POLR1C: variants seen among roughly 807,000 people sequenced by gnomAD.
POLR1C encodes the protein DNA-directed RNA polymerases I and III subunit RPAC1.
In POLR1C, 42 loss-of-function variants were observed where a neutral mutation model predicts 38.3. The observed-to-expected ratio is 1.10, with a 90% CI of 0.86 to 1.42. The LOEUF (loss-of-function observed/expected upper bound fraction) is 1.42, where lower values mean the gene tolerates loss of function less well. POLR1C is among the 40% of genes most tolerant of loss of function. POLR1C has a pLI of 0.00. For synonymous variants in POLR1C, 163 were observed against 163.9 expected (o/e 0.99, Z 0.04); for missense variants, 507 against 450.5 (o/e 1.13, Z -1.14).
At chr6:43,547,535 G>A in intron 9 of POLR1C, 1 of 1,423,702 alleles carries the variant, frequency 7.0e-7, no homozygotes, top group East Asian at 2.3e-5. Context: ...AAATCTATGA[G>A]AAACTTGACA....
chr6:43,520,616 C>T lies in POLR1C; in HGVS notation c.656-9C>T, dbSNP rs113383614. ...GTTTCCTATAGGCACGTTCCCTCTT[C>T]CTCTCCAGGCAAAGATCATGCCAAG... On this transcript the variant is annotated splice_polypyrimidine_tract_variant and intron_variant, in intron 6 of 8. Transcript: ENST00000642195. 10,854 of 1,614,078 alleles carry T rather than the reference C, an allele frequency of 6.7e-3. 516 individuals are homozygous for T. The African/African-American group carries it at 0.11, about 17-fold the overall frequency.
intron 8 of POLR1C, chr6:43,528,028 C>T (rs1395859791): frequency 3.1e-6 from 3 of 959,332 alleles, no homozygotes; most frequent in African/African-American, 3.3e-5. Flanking sequence ...CCATGTATCA[C>T]CTAGGCTGAG....
Position 43,517,148 on chromosome 6 carries a change from C to T in POLR1C, c.39C>T (p.Arg13=), listed in dbSNP as rs759764469. 9 of 1,614,032 alleles carry T rather than the reference C, an allele frequency of 5.6e-6. No individual in the cohort carries two copies. The highest frequency in any genetic ancestry group is 1.6e-4 in the Middle Eastern group (1 of 6,062). ...ASQAVEEMRS[R]VVLGEFGVRN... The stretch of plus-strand genomic sequence containing the variant: ...AGGCGGTGGAGGAAATGCGGAGCCG[C>T]GTGGTTCTGGGGGAGTTTGGGGTTC... Residue 13 remains arginine (R), a synonymous_variant, in exon 1 of 9, where the codon CGC becomes CGT. Coordinates refer to ENST00000642195, the MANE Select transcript of POLR1C (RefSeq NM_203290.4).
intron 9 of POLR1C, chr6:43,538,899 A>C (rs973614458): frequency 8.0e-7 from 1 of 1,246,164 alleles, no homozygotes. Context: ...TGGTCAGTGA[A>C]TTCCTGATAG....
rs772728540 is a variant in POLR1C, at chr6:43,517,141, G to A, written c.32G>A (p.Arg11Gln). The A allele has an allele frequency of 8.7e-6, 14 of 1,614,054 alleles. No individual in the cohort carries two copies. The South Asian group carries it at 1.5e-4, about 18-fold the overall frequency. Residue 11 changes from arginine to glutamine, a missense_variant, in exon 1 of 9, where the codon CGG becomes CAG. Arg to Gln is a conservative substitution (Grantham distance 43). Transcript: ENST00000642195. MAASQAVEEM[R>Q]SRVVLGEFGV... ...GCTTCTCAGGCGGTGGAGGAAATGC[G>A]GAGCCGCGTGGTTCTGGGGGAGTTT... is the stretch of plus-strand genomic sequence containing the variant.
chr6:43,538,964 G>C, intron 9 of POLR1C: 1 of 1,387,300 alleles, frequency 7.2e-7, no homozygotes, highest in Non-Finnish European at 1.0e-6. Flanking sequence ...GTAGCTGTAG[G>C]TCTTAGAAAT....
intron 10 of POLR1C, chr6:43,553,234 G>T: frequency 9.1e-7 from 1 of 1,094,760 alleles, no homozygotes; most frequent in Non-Finnish European, 1.2e-6. Context: ...CCCAGGAGTT[G>T]GAGGTTACAG....
chr6:43,526,879 A>C (rs1194317779), intron 8 of POLR1C: 2 of 859,528 alleles, frequency 2.3e-6, no homozygotes, highest in Non-Finnish European at 3.8e-6. Context: ...CGTCCAAGGC[A>C]CAAGAATTAG....
chr6:43,517,128 G>T lies in POLR1C; in HGVS notation c.19G>T (p.Val7Leu). 1.2e-6 allele frequency: 2 copies of T among 1,614,228 alleles called. No individual in the cohort carries two copies. Among genetic ancestry groups the T allele is most frequent in the Non-Finnish European group, 1.7e-6 (2 of 1,180,030 alleles). Residue 7 changes from valine (V) to leucine (L), a missense_variant, in exon 1 of 9, where the codon GTG becomes TTG. Coordinates refer to ENST00000642195, the MANE Select transcript of POLR1C (RefSeq NM_203290.4). Reference sequence around the variant, plus strand: ...ATTGAAGATGGCGGCTTCTCAGGCGGTGGAGGAAATGCGGAGCCGCGTGGT... The same window carrying T: ...ATTGAAGATGGCGGCTTCTCAGGCGTTGGAGGAAATGCGGAGCCGCGTGGT... MAASQA[V>L]EEMRSRVVLG...
downstream of POLR1C, among the ~76,000 whole-genome samples, chr6:43,531,902 C>CT (rs1486174375): frequency 6.6e-6 from 1 of 152,214 alleles, no homozygotes; most frequent in East Asian, 1.9e-4. Flanking sequence ...TATGAAACCC[C>CT]TTTTTTAAGC....
At chr6:43,543,440 A>G (rs371286680) in intron 9 of POLR1C, among the ~76,000 whole-genome samples, 4 of 152,070 alleles carry the variant, frequency 2.6e-5, no homozygotes, top group African/African-American at 9.7e-5. Context: ...GCGACAGGAT[A>G]AGATCGTGCC....
rs556867547 is a variant in POLR1C at position 43,539,211 on chromosome 6, C to T, written c.*4+9852C>T. 353 of 1,171,146 alleles carry T rather than the reference C, an allele frequency of 3.0e-4. 1 individual carries two copies. The highest frequency in any genetic ancestry group is 8.5e-4 in the South Asian group (67 of 78,840). The allele number at this position is 1,171,146 out of a possible 1,614,324, so 72.5% of individuals were successfully genotyped here. ...TTGTTCCCCTAGTAGCCTCTGTGCA[C>T]GGGGACAATGGAGAGCTTGGCCAGG... On this transcript the variant is annotated intron_variant, in intron 9 of 10. Coordinates refer to the POLR1C transcript ENST00000607635.
At chr6:43,535,751 T>C (rs181519971) in intron 9 of POLR1C, among the ~76,000 whole-genome samples, 238 of 149,548 alleles carry the variant, frequency 1.6e-3, no homozygotes, top group African/African-American at 5.5e-3. Flanking sequence ...GAGGCGGAGC[T>C]TGCAATGAGC....
chr6:43,542,059 A>G (rs1191886932), intron 9 of POLR1C, among the ~76,000 whole-genome samples: 2 of 152,184 alleles, frequency 1.3e-5, no homozygotes, highest in African/African-American at 2.4e-5. Flanking sequence ...CTAGGATTAC[A>G]TGCATGAGCC....
chr6:43,520,051 C>T lies in POLR1C; in HGVS notation c.383-15C>T, dbSNP rs1793059463. ...GACGTTTACTAGTTCTTAGGAGCTCCCTCCATTTGTGCAGGAGATGAAGAA... is the reference window on the plus strand; with the variant it reads ...GACGTTTACTAGTTCTTAGGAGCTCTCTCCATTTGTGCAGGAGATGAAGAA... On this transcript the variant is annotated splice_polypyrimidine_tract_variant and intron_variant, in intron 4 of 8. Transcript: ENST00000642195. 1 of 1,613,866 alleles carries T rather than the reference C, an allele frequency of 6.2e-7. No individual in the cohort carries two copies. The highest frequency in any genetic ancestry group is 8.5e-7 in the Non-Finnish European group (1 of 1,179,958).
Position 43,520,941 on chromosome 6 carries a change from T to C in POLR1C, c.815T>C (p.Val272Ala). 6.2e-7 allele frequency: 1 copy of C among 1,614,026 alleles called. No individual in the cohort carries two copies. Among genetic ancestry groups the C allele is most frequent in the Non-Finnish European group, 8.5e-7 (1 of 1,179,900 alleles). Residue 272 changes from valine to alanine, a missense_variant, in exon 8 of 9, where the codon GTG (valine) becomes GCG (alanine). Transcript: ENST00000642195. ...GGTTTGTTCTCATTAGGTAAAAAGGTGGCCAGAGTTGCCAACCCCCGGCTG... is the reference window on the plus strand; with the variant it reads ...GGTTTGTTCTCATTAGGTAAAAAGGCGGCCAGAGTTGCCAACCCCCGGCTG... Reference protein sequence around the residue: ...IEVQEVQGKKVARVANPRLDT... With the variant: ...IEVQEVQGKKAARVANPRLDT...
At chr6:43,536,787 A>AAAAAAAAAAAAAG (rs1561869430) in intron 9 of POLR1C, among the ~76,000 whole-genome samples, 1 of 148,548 alleles carries the variant, frequency 6.7e-6, no homozygotes, top group African/African-American at 2.6e-5. Flanking sequence ...AAAAAAAAAA[A>AAAAAAAAAAAAAG]AAAGCAGCTT....
Position 43,520,396 on chromosome 6 carries a change from T to A in POLR1C, c.624T>A (p.Ile208=). 6.2e-7 allele frequency: 1 copy of A among 1,613,868 alleles called. No homozygotes were observed. Among genetic ancestry groups the A allele is most frequent in the Non-Finnish European group, 8.5e-7 (1 of 1,180,036 alleles). The change falls in exon 6 of 9, where the codon ATT becomes ATA. Residue 208 remains isoleucine, a synonymous_variant. Coordinates refer to ENST00000642195, the MANE Select transcript of POLR1C (RefSeq NM_203290.4). ...LIAQLRPGQE[I]DLLMHCVKGI... is the part of the protein sequence containing the mutation. The stretch of plus-strand genomic sequence containing the variant: ...CTCAGCTGCGGCCTGGCCAAGAAAT[T>A]GACCTGCTCATGCACTGTGTCAAGG...
At chr6:43,549,125 G>A (rs539409165) in intron 9 of POLR1C, among the ~76,000 whole-genome samples, 1 of 152,190 alleles carries the variant, frequency 6.6e-6, no homozygotes. Flanking sequence ...GCAATGGCGT[G>A]ATCTTGGCTC....
Sources: allele counts gnomAD v4.1 joint callset (sites outside exome capture counted in the v4.1 genomes callset), GRCh38; gene constraint gnomAD v4.1.1; transcripts MANE v1.5; gene names NCBI Gene and HGNC (gene_info 2026-07-23, HGNC 2026-07-21).